Variants in C11orf54 observed in about 807,000 individuals in gnomAD.
C11orf54 encodes the protein beta-keto L-gulonate decarboxylase.
In C11orf54, 29 loss-of-function variants were observed where a neutral mutation model predicts 35.5. The observed-to-expected ratio is 0.82, with a 90% CI of 0.61 to 1.11. The LOEUF (loss-of-function observed/expected upper bound fraction) is 1.11, where lower values mean the gene tolerates loss of function less well. Among genes scored for constraint, C11orf54 ranks in the 50% most tolerant of loss-of-function variants. C11orf54 has a pLI of 0.00. For missense variants in C11orf54, 373 were observed against 369.2 expected, an observed-to-expected ratio of 1.01 and a Z score of -0.08; for synonymous variants, 108 against 121.1, an observed-to-expected ratio of 0.89 and a Z score of 0.71.
chr11:93,756,809 G>A (rs1469290240), intron 6 of C11orf54, among the ~76,000 whole-genome samples: 1 of 152,122 alleles, frequency 6.6e-6, no homozygotes, highest in Non-Finnish European at 1.5e-5. Flanking sequence ...TCCAGTTTTG[G>A]AAGTAGAGAT....
At position 93,756,952 on chromosome 11, in the gene C11orf54, G is replaced by T. The variant is rs896571141; in HGVS notation, c.508-364G>T. Among the ~76,000 whole-genome samples the T allele has an allele frequency of 2.6e-5, 4 of 152,228 alleles. No individual in the cohort carries two copies. In the East Asian group the frequency reaches 5.8e-4, roughly 22 times the overall value. ...TTCTCCTCATCCCCACTTACCAAAGGTTAATTCCTTTAACCAAAGAATTAC... is the reference window on the plus strand; with the variant it reads ...TTCTCCTCATCCCCACTTACCAAAGTTTAATTCCTTTAACCAAAGAATTAC... On this transcript the variant is annotated intron_variant, in intron 6 of 8. Transcript: ENST00000354421.
chr11:93,750,199 T>A, intron 2 of C11orf54, 147 bp from the exon 3 acceptor site: 2 of 591,756 alleles, frequency 3.4e-6, no homozygotes, highest in South Asian at 4.6e-5. Context: ...TAATGTCTAA[T>A]TATATTCATT....
At position 93,755,387 on chromosome 11, in the gene C11orf54, G is replaced by A. The variant is rs201676030; in HGVS notation, c.507+1G>A. On this transcript the variant is annotated splice_donor_variant, in intron 6 of 8. Transcript: ENST00000354421. LOFTEE classifies it high-confidence loss of function. ...TGCCAGTGAAGGCCAACCTGGCAAG[G>A]TGATTGTGTCCATAAAAATACAATA... is the stretch of plus-strand genomic sequence containing the variant. 2.9e-5 allele frequency: 46 copies of A among 1,612,612 alleles called. No homozygotes were observed. The highest frequency in any genetic ancestry group is 3.3e-5 in the Non-Finnish European group (39 of 1,178,990).
At chr11:93,744,102 A>C (rs1942313655) in intron 1 of C11orf54, among the ~76,000 whole-genome samples, 1 of 152,212 alleles carries the variant, frequency 6.6e-6, no homozygotes, top group South Asian at 2.1e-4. Context: ...TATTATGAAA[A>C]AGTGATAGTC....
At position 93,755,193 on chromosome 11, in the gene C11orf54, CCTCA is replaced by C. The variant is rs1201662923; in HGVS notation, c.331-14_331-11del. On this transcript the variant is annotated splice_polypyrimidine_tract_variant and intron_variant, in intron 5 of 8. Coordinates refer to ENST00000354421, the MANE Select transcript of C11orf54 (RefSeq NM_001286069.2). ...CAGAGATACAAAGATTGACTAATTG[CCTCA>C]CTTTCTTTTCAGTTTATGCCAGTTA... is the stretch of plus-strand genomic sequence containing the variant. 5.0e-6 allele frequency: 8 copies of C among 1,610,806 alleles called. No homozygotes were observed. Among genetic ancestry groups the C allele is most frequent in the South Asian group, 2.2e-5 (2 of 90,810 alleles).
At chr11:93,742,433 G>A (rs1335039644) in intron 1 of C11orf54, among the ~76,000 whole-genome samples, 1 of 152,000 alleles carries the variant, frequency 6.6e-6, no homozygotes, top group African/African-American at 2.4e-5. Context: ...ACAGGCGTGC[G>A]CCACCATGCC....
chr11:93,748,660 A>G (rs963891503), intron 2 of C11orf54, among the ~76,000 whole-genome samples: 2 of 151,792 alleles, frequency 1.3e-5, no homozygotes, highest in African/African-American at 4.8e-5. Context: ...ACATGGCAAA[A>G]CCCCATCTCT....
intron 5 of C11orf54, 124 bp downstream of exon 5, chr11:93,754,161 C>T (rs182532967): frequency 2.6e-6 from 2 of 774,180 alleles, no homozygotes; most frequent in African/African-American, 3.5e-5. Context: ...TTTGATACTA[C>T]TTGATGTAGA....
At chr11:93,754,939 G>A (rs571317076) in intron 5 of C11orf54, 132 of 216,268 alleles carry the variant, frequency 6.1e-4, no homozygotes, top group African/African-American at 2.8e-3. Context: ...TCACCATGTT[G>A]GCCAGGATGG....
chr11:93,755,462 A>G, intron 6 of C11orf54, 76 bp downstream of exon 6: 1 of 1,493,926 alleles, frequency 6.7e-7, no homozygotes, highest in Non-Finnish European at 9.1e-7. Flanking sequence ...TACTGCCATA[A>G]ATATGGTTTT....
intron 3 of C11orf54, among the ~76,000 whole-genome samples, chr11:93,753,445 T>C (rs1942952935): frequency 6.6e-6 from 1 of 152,224 alleles, no homozygotes; most frequent in African/African-American, 2.4e-5. Context: ...CCCTTGCCCT[T>C]GCCTTGTATT....
intron 3 of C11orf54, among the ~76,000 whole-genome samples, chr11:93,751,122 G>A (rs1259321853): frequency 6.6e-6 from 1 of 152,150 alleles, no homozygotes; most frequent in East Asian, 1.9e-4. Flanking sequence ...TGAGGAATTT[G>A]AGGATAAACA....
At chr11:93,755,152 C>T in intron 5 of C11orf54, 58 bp from the exon 6 acceptor site, 1 of 1,511,858 alleles carries the variant, frequency 6.6e-7, no homozygotes, top group Middle Eastern at 1.7e-4. Context: ...TAACATTATT[C>T]AAGATATTCT....
chr11:93,758,675 C>T (rs565831201), intron 7 of C11orf54, among the ~76,000 whole-genome samples: 2 of 152,380 alleles, frequency 1.3e-5, no homozygotes, highest in African/African-American at 2.4e-5. Context: ...AGCCCCCTGC[C>T]GTCCCGGCCC....
At chr11:93,751,102 C>T (rs1306153683) in intron 3 of C11orf54, among the ~76,000 whole-genome samples, 4 of 152,112 alleles carry the variant, frequency 2.6e-5, no homozygotes, top group South Asian at 4.1e-4. Flanking sequence ...CCTGTTATAC[C>T]CTATTATGAT....
chr11:93,750,777 A>G (rs987109241), intron 3 of C11orf54, among the ~76,000 whole-genome samples: 2 of 152,188 alleles, frequency 1.3e-5, no homozygotes, highest in African/African-American at 4.8e-5. Context: ...TTATGATTTT[A>G]TTTATTCAAG....
intron 1 of C11orf54, 34 bp from the exon 2 acceptor site, chr11:93,747,263 T>A (rs1942520739): frequency 3.5e-6 from 2 of 577,694 alleles, no homozygotes. Flanking sequence ...TTTTGTTCTG[T>A]TTATATGTTT....
At chr11:93,742,341 C>T (rs945904810) in intron 1 of C11orf54, among the ~76,000 whole-genome samples, 6 of 150,778 alleles carry the variant, frequency 4.0e-5, no homozygotes, top group Non-Finnish European at 7.4e-5. Context: ...TGGAGTGCAA[C>T]GGTGCGATCT....
At chr11:93,753,360 A>AT (rs35387809) in intron 3 of C11orf54, among the ~76,000 whole-genome samples, 83,101 of 151,862 alleles carry the variant, frequency 0.55, 24,334 homozygotes, top group Admixed American at 0.69. Flanking sequence ...CCCAAAATAG[A>AT]TTTTTTTTAA....
Sources: gnomAD v4.1 joint callset for allele counts (sites outside exome capture counted in the v4.1 genomes callset) on GRCh38, gnomAD v4.1.1 for gene constraint, MANE v1.5 for transcripts, NCBI Gene and HGNC (gene_info 2026-07-23, HGNC 2026-07-21) for gene names.